ADGRL3: variants seen among roughly 807,000 people sequenced by gnomAD.
The protein encoded by ADGRL3 is adhesion G protein-coupled receptor L3.
Under a neutral mutation model 153.5 loss-of-function variants are expected in ADGRL3, and 62 were observed. That is an observed-to-expected ratio of 0.40 (90% CI 0.33 to 0.50). The LOEUF (loss-of-function observed/expected upper bound fraction) is 0.50, where lower values mean the gene tolerates loss of function less well. ADGRL3 is among the 20% of genes least tolerant of loss of function. The probability of loss-of-function intolerance (pLI) is 0.47; values close to 1 mark genes in which losing one functional copy is unlikely to be tolerated. For missense variants in ADGRL3, 1,641 were observed against 1,859.4 expected, an observed-to-expected ratio of 0.88 and a Z score of 2.16; for synonymous variants, 710 against 672.5, an observed-to-expected ratio of 1.06 and a Z score of -0.86.
chr4:61,415,110 A>G (rs1362325382), intron 2 of ADGRL3, among the ~76,000 whole-genome samples: 1 of 151,884 alleles, frequency 6.6e-6, no homozygotes, highest in East Asian at 1.9e-4. Context: ...CAGTCTTTAT[A>G]AAAACATAAC....
chr4:61,650,181 A>G (rs985125468), intron 5 of ADGRL3, among the ~76,000 whole-genome samples: 3 of 152,164 alleles, frequency 2.0e-5, no homozygotes, highest in African/African-American at 4.8e-5. Flanking sequence ...GCCATCCTAT[A>G]AGGATGTATA....
chr4:61,345,251 T>C (rs575342886), intron 1 of ADGRL3, among the ~76,000 whole-genome samples: 9 of 152,230 alleles, frequency 5.9e-5, no homozygotes, highest in Non-Finnish European at 1.0e-4. Flanking sequence ...CCCAAGAGCA[T>C]AGCAGAAATA....
At chr4:61,730,774 T>C in intron 7 of ADGRL3, 138 bp downstream of exon 7, 1 of 270,570 alleles carries the variant, frequency 3.7e-6, no homozygotes, top group Non-Finnish European at 7.3e-6. Context: ...CTGCTCAACT[T>C]CACTTTAATC....
chr4:61,878,285 G>A (rs567743581), intron 9 of ADGRL3, among the ~76,000 whole-genome samples: 1 of 152,252 alleles, frequency 6.6e-6, no homozygotes, highest in African/African-American at 2.4e-5. Context: ...ACATTCTGAA[G>A]TACTCAAGAT....
chr4:61,685,801 A>C (rs2151046751), intron 6 of ADGRL3, among the ~76,000 whole-genome samples: 1 of 152,266 alleles, frequency 6.6e-6, no homozygotes, highest in South Asian at 2.1e-4. Context: ...AAGAGAATTG[A>C]ATAAACTGAC....
intron 5 of ADGRL3, among the ~76,000 whole-genome samples, chr4:61,627,685 T>C (rs556780348): frequency 1.8e-4 from 27 of 152,130 alleles, no homozygotes; most frequent in African/African-American, 6.3e-4. Flanking sequence ...TTTCAGTATA[T>C]TGGAATTACA....
intron 6 of ADGRL3, among the ~76,000 whole-genome samples, chr4:61,709,755 GAA>G (rs1330612131): frequency 6.6e-6 from 1 of 152,058 alleles, no homozygotes; most frequent in African/African-American, 2.4e-5. Context: ...TTTTTACCTA[GAA>G]AAATTTGTAT....
chr4:61,935,384 C>T (rs1028007065), intron 14 of ADGRL3, among the ~76,000 whole-genome samples: 1 of 151,978 alleles, frequency 6.6e-6, no homozygotes, highest in Admixed American at 6.6e-5. Context: ...ATGAGAGTAT[C>T]TTTGAATTCA....
chr4:61,674,521 G>A lies in ADGRL3; in HGVS notation c.474-2305G>A, dbSNP rs980751965. ...AAATGACTATAGACCAAGATAGGAA[G>A]AAAAGGAGATATGTATAAATATTCA... On this transcript the variant is annotated intron_variant, in intron 5 of 26. Transcript: ENST00000683033. 2.0e-5 allele frequency among the ~76,000 whole-genome samples: 3 copies of A among 151,738 alleles called. No individual in the cohort carries two copies. In the South Asian group the frequency reaches 6.2e-4, roughly 31 times the overall value.
chr4:61,853,815 T>A (rs1177516205), intron 9 of ADGRL3, among the ~76,000 whole-genome samples: 2 of 152,206 alleles, frequency 1.3e-5, no homozygotes, highest in African/African-American at 4.8e-5. Flanking sequence ...AAGACAGGTT[T>A]CATTTGTAAA....
intron 1 of ADGRL3, among the ~76,000 whole-genome samples, chr4:61,370,088 T>A (rs1359159348): frequency 6.6e-6 from 1 of 152,160 alleles, no homozygotes; most frequent in Admixed American, 6.5e-5. Flanking sequence ...CCCTTTATCA[T>A]TTTCTATTGC....
At chr4:62,069,647 A>G (rs1744786084) in intron 26 of ADGRL3, among the ~76,000 whole-genome samples, 1 of 152,066 alleles carries the variant, frequency 6.6e-6, no homozygotes, top group Non-Finnish European at 1.5e-5. Context: ...ACCACACATG[A>G]ATTATGTTAA....
At chr4:61,579,460 C>A (rs2098913863) in intron 4 of ADGRL3, 6 of 284,066 alleles carry the variant, frequency 2.1e-5, no homozygotes, top group South Asian at 1.9e-4. Flanking sequence ...AAAGTGATTT[C>A]TATTAAATGT....
At chr4:61,403,917 A>G (rs529723552) in intron 2 of ADGRL3, among the ~76,000 whole-genome samples, 1 of 152,192 alleles carries the variant, frequency 6.6e-6, no homozygotes, top group South Asian at 2.1e-4. Context: ...ATAGTAGTAT[A>G]GTGAGAAAAC....
At chr4:61,255,561 CATGTA>C (rs2091883575) in intron 1 of ADGRL3, among the ~76,000 whole-genome samples, 1 of 152,068 alleles carries the variant, frequency 6.6e-6, no homozygotes, top group African/African-American at 2.4e-5. Flanking sequence ...CAGAAGGAGA[CATGTA>C]ATTATTCTTA....
chr4:61,676,803 C>A (rs1200974918), intron 5 of ADGRL3, 23 bp from the exon 6 acceptor site: 2 of 1,519,872 alleles, frequency 1.3e-6, no homozygotes, highest in Admixed American at 3.4e-5. Context: ...CTTACTACTT[C>A]TTTTCCTTTC....
chr4:61,350,239 T>C (rs1487891677), intron 1 of ADGRL3, among the ~76,000 whole-genome samples: 1 of 152,120 alleles, frequency 6.6e-6, no homozygotes, highest in East Asian at 1.9e-4. Context: ...AGTACAGTCA[T>C]TATTGTCCAT....
chr4:61,686,839 A>G (rs914827256), intron 6 of ADGRL3, among the ~76,000 whole-genome samples: 4 of 151,596 alleles, frequency 2.6e-5, no homozygotes, highest in Non-Finnish European at 5.9e-5. Flanking sequence ...TCACTGTTCT[A>G]CTCTTACCTC....
chr4:61,341,875 A>T, intron 1 of ADGRL3, among the ~76,000 whole-genome samples: 1 of 152,142 alleles, frequency 6.6e-6, no homozygotes, highest in East Asian at 1.9e-4. Flanking sequence ...TAAAAGTGGG[A>T]TTACAAGGGA....
Sources: gnomAD v4.1 joint callset for allele counts (sites outside exome capture counted in the v4.1 genomes callset) on GRCh38, gnomAD v4.1.1 for gene constraint, MANE v1.5 for transcripts, NCBI Gene and HGNC (gene_info 2026-07-23, HGNC 2026-07-21) for gene names.